Variants in LEKR1 observed in about 807,000 individuals in gnomAD.
The protein encoded by LEKR1 is leucine, glutamate and lysine rich 1.
Under a neutral mutation model 72.4 loss-of-function variants are expected in LEKR1, and 59 were observed. The observed-to-expected ratio is 0.82, with a 90% CI of 0.66 to 1.01. LEKR1 has a LOEUF of 1.01. LEKR1 is among the 50% of genes least tolerant of loss of function. LEKR1 has a pLI of 0.00. For missense variants in LEKR1, 728 were observed against 759.2 expected (o/e 0.96, Z 0.48); for synonymous variants, 257 against 263.2 (o/e 0.98, Z 0.23).
rs552288436 is a variant in LEKR1, at chr3:156,870,282, G to C, written c.263+17300G>C. 2.8e-4 allele frequency among the ~76,000 whole-genome samples: 42 copies of C among 152,106 alleles called. No homozygotes were observed. The Middle Eastern group carries it at 0.01, about 37-fold the overall frequency. ...AGGGACTGCATTGAATCTGTAGATTGCTTTGGTCATTGCTATGGTCATTTT... is the reference window on the plus strand; with the variant it reads ...AGGGACTGCATTGAATCTGTAGATTCCTTTGGTCATTGCTATGGTCATTTT... On this transcript the variant is annotated intron_variant, in intron 3 of 12. Coordinates refer to ENST00000356539, the MANE Select transcript of LEKR1 (RefSeq NM_001004316.3).
At chr3:156,953,135 G>T (rs1357535498) in intron 6 of LEKR1, among the ~76,000 whole-genome samples, 1 of 149,118 alleles carries the variant, frequency 6.7e-6, no homozygotes, top group Non-Finnish European at 1.5e-5. Flanking sequence ...AGAATTAGGT[G>T]AATGAGAGAT....
chr3:156,830,753 G>A (rs533916762), intron 2 of LEKR1, among the ~76,000 whole-genome samples: 2 of 152,216 alleles, frequency 1.3e-5, no homozygotes, highest in South Asian at 4.2e-4. Flanking sequence ...TCATTATATG[G>A]CAACTTAAAA....
At chr3:156,848,896 T>G (rs1272399185) in intron 2 of LEKR1, among the ~76,000 whole-genome samples, 1 of 152,218 alleles carries the variant, frequency 6.6e-6, no homozygotes, top group African/African-American at 2.4e-5. Context: ...GTTATTTTAT[T>G]CATTTTTTAT....
intron 3 of LEKR1, among the ~76,000 whole-genome samples, chr3:156,897,307 G>A (rs2108560442): frequency 6.6e-6 from 1 of 152,234 alleles, no homozygotes; most frequent in South Asian, 2.1e-4. Flanking sequence ...TGGTATTAGT[G>A]TGTTGATGGA....
chr3:156,858,811 T>A (rs1010146361), intron 3 of LEKR1, among the ~76,000 whole-genome samples: 22 of 152,226 alleles, frequency 1.4e-4, no homozygotes, highest in African/African-American at 5.3e-4. Flanking sequence ...TATTAAGTTT[T>A]CCTGTGGCAA....
chr3:156,958,739 C>G lies in LEKR1; in HGVS notation c.745+16025C>G, dbSNP rs187041257. 1.1e-4 allele frequency among the ~76,000 whole-genome samples: 17 copies of G among 152,250 alleles called. 1 individual carries two copies. ...TCTCTTCACCTTGACTTCTAGTATG[C>G]AGGTGTCCTTCAACTCTTCATGGGT... On this transcript the variant is annotated intron_variant, in intron 6 of 12. Coordinates refer to ENST00000356539, the MANE Select transcript of LEKR1 (RefSeq NM_001004316.3).
At chr3:156,926,632 A>G (rs1452337269) in intron 4 of LEKR1, among the ~76,000 whole-genome samples, 1 of 151,998 alleles carries the variant, frequency 6.6e-6, no homozygotes, top group Non-Finnish European at 1.5e-5. Context: ...AGCACTTCTC[A>G]CTTTTCCATT....
At chr3:156,942,091 T>C (rs1332329853) in intron 5 of LEKR1, among the ~76,000 whole-genome samples, 1 of 152,016 alleles carries the variant, frequency 6.6e-6, no homozygotes, top group Non-Finnish European at 1.5e-5. Flanking sequence ...TCTTTCTTCA[T>C]AATTTGTAGA....
intron 2 of LEKR1, among the ~76,000 whole-genome samples, chr3:156,832,673 C>T (rs1473881778): frequency 1.3e-5 from 2 of 152,230 alleles, no homozygotes; most frequent in African/African-American, 4.8e-5. Flanking sequence ...GTGAATTTCT[C>T]TCTTCTTGAG....
Position 157,045,795 on chromosome 3 carries a change from T to A in LEKR1, c.*45T>A. The A allele has an allele frequency of 1.3e-6, 2 of 1,495,770 alleles. No individual in the cohort carries two copies. Among genetic ancestry groups the A allele is most frequent in the Non-Finnish European group, 1.8e-6 (2 of 1,096,254 alleles). The allele number at this position is 1,495,770 out of a possible 1,614,324, so 92.7% of individuals were successfully genotyped here. A position where few individuals can be genotyped will look rare whatever the true frequency, so the allele number is the denominator to read the frequency against. On this transcript the variant is annotated 3_prime_UTR_variant, in exon 13 of 13. Transcript: ENST00000356539. ...AGCTCCCTACAGCGTGCACGCTCTT[T>A]CAGAGAGTGCCAGGAATTCACTGTA...
chr3:156,927,437 T>G lies in LEKR1; in HGVS notation c.392T>G (p.Leu131Trp), dbSNP rs568833167. 27 of 1,091,182 alleles carry G rather than the reference T, an allele frequency of 2.5e-5. No homozygotes were observed. In the African/African-American group the frequency reaches 4.2e-4, roughly 17 times the overall value. 67.6% of individuals were successfully genotyped at this position (1,091,182 alleles called of 1,614,324 possible). ...TTTTTTTTACTTTGCAGTCAAAGAT[T>G]GTCAGAGTACAAATATTTCTGGAAT... ...YRQSYIFSQR[L>W]SEYKYFWNKT... Residue 131 changes from leucine to tryptophan, a missense_variant, in exon 5 of 13, where the codon TTG becomes TGG. Physicochemically the swap from Leu to Trp is moderately conservative, Grantham distance 61. Transcript: ENST00000356539.
intron 6 of LEKR1, among the ~76,000 whole-genome samples, chr3:156,946,858 C>A (rs773437062): frequency 8.6e-5 from 13 of 151,126 alleles, no homozygotes; most frequent in East Asian, 3.9e-4. Context: ...TTATTCATTT[C>A]TTCTAGGTTT....
chr3:156,939,510 T>G (rs1386418747), intron 5 of LEKR1, among the ~76,000 whole-genome samples: 1 of 152,220 alleles, frequency 6.6e-6, no homozygotes, highest in Non-Finnish European at 1.5e-5. Flanking sequence ...TTGCACAATA[T>G]TATTCAGTTA....
At chr3:156,896,887 G>A (rs1721243665) in intron 3 of LEKR1, among the ~76,000 whole-genome samples, 2 of 152,160 alleles carry the variant, frequency 1.3e-5, no homozygotes, top group East Asian at 1.9e-4. Flanking sequence ...ACACAATCAT[G>A]TCCTTTGCAG....
At chr3:157,026,074 G>T (rs1734163580) in intron 11 of LEKR1, among the ~76,000 whole-genome samples, 1 of 151,960 alleles carries the variant, frequency 6.6e-6, no homozygotes, top group South Asian at 2.1e-4. Flanking sequence ...AAATCTTAGT[G>T]ATTTTATCTT....
At chr3:156,839,648 A>AT (rs930000391) in intron 2 of LEKR1, among the ~76,000 whole-genome samples, 11 of 151,794 alleles carry the variant, frequency 7.2e-5, no homozygotes, top group East Asian at 3.9e-4. Context: ...CTTGGAGATG[A>AT]TTTTTTTTTC....
chr3:156,959,713 A>G (rs1488867873), intron 6 of LEKR1, among the ~76,000 whole-genome samples: 2 of 152,186 alleles, frequency 1.3e-5, no homozygotes, highest in African/African-American at 2.4e-5. Flanking sequence ...ATCTCTCCTA[A>G]TCAATGAGTT....
chr3:156,879,788 C>T (rs972475104), intron 3 of LEKR1, among the ~76,000 whole-genome samples: 6 of 152,208 alleles, frequency 3.9e-5, no homozygotes, highest in South Asian at 2.1e-4. Flanking sequence ...GGCTAAAAGG[C>T]GCCAAGGTAC....
chr3:156,967,687 T>C (rs1429887628), intron 6 of LEKR1, among the ~76,000 whole-genome samples: 1 of 152,192 alleles, frequency 6.6e-6, no homozygotes, highest in Admixed American at 6.5e-5. Context: ...TGGAACCAAG[T>C]TGGAAAACAC....
Sources: gnomAD v4.1 joint callset for allele counts (sites outside exome capture counted in the v4.1 genomes callset) on GRCh38, gnomAD v4.1.1 for gene constraint, MANE v1.5 for transcripts, NCBI Gene and HGNC (gene_info 2026-07-23, HGNC 2026-07-21) for gene names.